The following CNTD1 variants were observed in gnomAD, a reference collection of about 807,000 sequenced individuals.
CNTD1 encodes the protein cyclin N-terminal domain containing 1, also known as cyclin N-terminal domain-containing protein 1.
In CNTD1, 17 loss-of-function variants were observed where a neutral mutation model predicts 36.3. The observed-to-expected ratio is 0.47, with a 90% confidence interval of 0.32 to 0.70. The LOEUF (loss-of-function observed/expected upper bound fraction) is 0.70, where lower values mean the gene tolerates loss of function less well. Among genes scored for constraint, CNTD1 ranks in the 30% least tolerant of loss-of-function variants. CNTD1 has a pLI of 0.03. For missense variants in CNTD1, 338 were observed against 386.1 expected (o/e 0.88, Z 1.04); for synonymous variants, 128 against 153.3 (o/e 0.83, Z 1.22).
Position 42,804,383 on chromosome 17 carries a change from C to A in CNTD1, c.404C>A (p.Ser135Tyr). The change falls in exon 3 of 7, where the codon TCC becomes TAC. Residue 135 changes from serine to tyrosine, a missense_variant. Ser to Tyr is a moderately radical substitution (Grantham distance 144, BLOSUM62 -2). Transcript: ENST00000588408. ...VSCVQLASKL[S>Y]FRNKIISNIT... ...TGTGTTCAGCTGGCCAGCAAACTTT[C>A]CTTCCGAAACAAAGTAAGGAGCTGG... is the stretch of plus-strand genomic sequence containing the variant. The A allele has an allele frequency of 6.2e-7, 1 of 1,613,930 alleles. No homozygotes were observed. The highest frequency in any genetic ancestry group is 8.5e-7 in the Non-Finnish European group (1 of 1,179,884).
At chr17:42,806,840 AG>A in intron 5 of CNTD1, 22 bp downstream of exon 5, 1 of 1,612,724 alleles carries the variant, frequency 6.2e-7, no homozygotes, top group Non-Finnish European at 8.5e-7. Context: ...CCTATAGGGT[AG>A]GCTCCTTCCA....
chr17:42,809,122 A>G (rs1231759016), intron 6 of CNTD1, among the ~76,000 whole-genome samples: 1 of 152,218 alleles, frequency 6.6e-6, no homozygotes, highest in Non-Finnish European at 1.5e-5. Context: ...CCCAAATATC[A>G]TTCTTATATT....
At chr17:42,804,186 G>A (rs758144818) in intron 2 of CNTD1, 39 bp from the exon 3 acceptor site, 72 of 1,571,704 alleles carry the variant, frequency 4.6e-5, no homozygotes, top group Non-Finnish European at 6.1e-5. Context: ...TTTAGTTTGT[G>A]TGAGTGAGGA....
Position 42,809,417 on chromosome 17 carries a change from A to G in CNTD1, c.875A>G (p.Glu292Gly). Residue 292 changes from glutamate to glycine, a missense_variant, in exon 7 of 7, where the codon GAG becomes GGG. Transcript: ENST00000588408. ...ITGIALASIA[E>G]FSYAILTHGV... ...GGTATTGCCTTGGCAAGCATTGCTG[A>G]GTTCTCTTATGCAATCCTGACTCAC... 1 of 1,614,178 alleles carries G rather than the reference A, an allele frequency of 6.2e-7. No individual in the cohort carries two copies. Among genetic ancestry groups the G allele is most frequent in the Non-Finnish European group, 8.5e-7 (1 of 1,180,016 alleles).
At chr17:42,802,417 G>A (rs915391673) in intron 1 of CNTD1, among the ~76,000 whole-genome samples, 4 of 152,078 alleles carry the variant, frequency 2.6e-5, no homozygotes, top group African/African-American at 9.7e-5. Flanking sequence ...AGAAACAAAT[G>A]CTCAGATAAT....
Position 42,809,717 on chromosome 17 carries a change from G to A in CNTD1, c.*182G>A. ...TAAGGTGGACGAGCATGCCCTTTTT[G>A]TCATATCAGCCTGAAAATGTTAAAA... On this transcript the variant is annotated 3_prime_UTR_variant, in exon 7 of 7. Coordinates refer to ENST00000588408, the MANE Select transcript of CNTD1 (RefSeq NM_173478.3). 1 of 555,828 alleles carries A rather than the reference G, an allele frequency of 1.8e-6. No homozygotes were observed. Among genetic ancestry groups the A allele is most frequent in the Non-Finnish European group, 3.1e-6 (1 of 322,108 alleles). The allele number at this position is 555,828 out of a possible 1,614,324, so 34.4% of individuals were successfully genotyped here.
chr17:42,805,493 G>A (rs921196755), intron 3 of CNTD1: 2 of 342,438 alleles, frequency 5.8e-6, no homozygotes, highest in African/African-American at 4.3e-5. Flanking sequence ...GGAAAGGAAG[G>A]GAGATCCAGG....
intron 1 of CNTD1, among the ~76,000 whole-genome samples, chr17:42,801,547 A>ATATAT (rs1397593024): frequency 1.8e-5 from 1 of 55,898 alleles, no homozygotes; most frequent in Non-Finnish European, 3.1e-5. Flanking sequence ...ATATATATAT[A>ATATAT]ATATATGTGT....
Position 42,810,927 on chromosome 17 carries a change from T to A in CNTD1, c.*1392T>A. ...TCAATCTTGCCTTTCTCCACATCCA[T>A]CCTGCAGATGGACAGAGCAAAACTC... On this transcript the variant is annotated 3_prime_UTR_variant, in exon 7 of 7. Transcript: ENST00000588408. The A allele has an allele frequency of 6.2e-7, 1 of 1,606,340 alleles. No individual in the cohort carries two copies. Among genetic ancestry groups the A allele is most frequent in the African/African-American group, 1.3e-5 (1 of 74,744 alleles).
chr17:42,803,534 A>G, intron 1 of CNTD1, 86 bp from the exon 2 acceptor site: 1 of 999,188 alleles, frequency 1.0e-6, no homozygotes. Context: ...CCTTGGCCCC[A>G]TCACGGCTTT....
Position 42,804,340 on chromosome 17 carries a change from A to C in CNTD1, c.361A>C (p.Thr121Pro). 6.2e-7 allele frequency: 1 copy of C among 1,613,726 alleles called. No individual in the cohort carries two copies. Among genetic ancestry groups the C allele is most frequent in the Non-Finnish European group, 8.5e-7 (1 of 1,179,942 alleles). The change falls in exon 3 of 7, where the codon ACT (threonine) becomes CCT (proline). Residue 121 changes from threonine (T) to proline (P), a missense_variant. By Grantham distance (38) the Thr-to-Pro change is conservative. Coordinates refer to ENST00000588408, the MANE Select transcript of CNTD1 (RefSeq NM_173478.3). Reference sequence around the variant, plus strand: ...GAAACAGCAGCTTGTCAACAAGTTTACTCTCCGTCTTGTGTCATGTGTTCA... The same window carrying C: ...GAAACAGCAGCTTGTCAACAAGTTTCCTCTCCGTCTTGTGTCATGTGTTCA... ...ALKQQLVNKF[T>P]LRLVSCVQLA...
rs896851686 is a variant in CNTD1 at position 42,798,862 on chromosome 17, A to G, written c.-206A>G. Reference sequence around the variant, plus strand: ...AGCGGACGTGCTTTCTGATTGGCTGAGGAGTCCGTGGCCGTTGGGGCGGGA... The same window carrying G: ...AGCGGACGTGCTTTCTGATTGGCTGGGGAGTCCGTGGCCGTTGGGGCGGGA... On this transcript the variant is annotated 5_prime_UTR_variant, in exon 1 of 7. Transcript: ENST00000588408. The G allele has an allele frequency of 3.5e-6, 5 of 1,441,240 alleles. No homozygotes were observed. The allele number at this position is 1,441,240 out of a possible 1,614,324, so 89.3% of individuals were successfully genotyped here.
chr17:42,804,245 A>G lies in CNTD1; in HGVS notation c.266A>G (p.Glu89Gly), dbSNP rs767776718. 6 of 1,613,966 alleles carry G rather than the reference A, an allele frequency of 3.7e-6. No individual in the cohort carries two copies. Among genetic ancestry groups the G allele is most frequent in the Non-Finnish European group, 4.2e-6 (5 of 1,179,972 alleles). Reference sequence around the variant, plus strand: ...TACAGGTTTATGGTAAAACAGGCAGAGAACATCTGCAGGCAAGCCACAATC... The same window carrying G: ...TACAGGTTTATGGTAAAACAGGCAGGGAACATCTGCAGGCAAGCCACAATC... ...ILERFMVKQAENICRQATIQP... is the reference protein window; with the variant it reads ...ILERFMVKQAGNICRQATIQP... Residue 89 changes from glutamate to glycine, a missense_variant, in exon 3 of 7, where the codon GAG (glutamate) becomes GGG (glycine). Physicochemically the swap from Glu to Gly is moderately conservative, Grantham distance 98. Transcript: ENST00000588408.
At chr17:42,805,127 T>G (rs538820045) in intron 3 of CNTD1, among the ~76,000 whole-genome samples, 1 of 152,168 alleles carries the variant, frequency 6.6e-6, no homozygotes, top group Non-Finnish European at 1.5e-5. Flanking sequence ...AGCAAACTAT[T>G]ACATTTATAA....
chr17:42,800,847 A>T (rs1421786746), intron 1 of CNTD1, among the ~76,000 whole-genome samples: 1 of 152,174 alleles, frequency 6.6e-6, no homozygotes, highest in East Asian at 1.9e-4. Context: ...GACTATGCTA[A>T]ACGGTTGAGC....
chr17:42,807,332 G>A (rs1452461499), intron 5 of CNTD1, among the ~76,000 whole-genome samples: 3 of 151,994 alleles, frequency 2.0e-5, no homozygotes, highest in Non-Finnish European at 4.4e-5. Flanking sequence ...GGAGAATGGC[G>A]TGAACCCAGG....
intron 1 of CNTD1, among the ~76,000 whole-genome samples, chr17:42,803,292 G>T (rs2144119002): frequency 6.6e-6 from 1 of 152,340 alleles, no homozygotes; most frequent in African/African-American, 2.4e-5. Flanking sequence ...TTCCCAGCAT[G>T]GTGTAGAGGT....
At position 42,807,841 on chromosome 17, in the gene CNTD1, C is replaced by G; in HGVS notation, c.799C>G (p.Gln267Glu). Residue 267 changes from glutamine (Q) to glutamate (E), a missense_variant, in exon 6 of 7, where the codon CAA becomes GAA. Coordinates refer to ENST00000588408, the MANE Select transcript of CNTD1 (RefSeq NM_173478.3). ...VGIIAASAFI[Q>E]NHECWSQVVG... ...AATCATTGCAGCAAGTGCTTTCATC[C>G]AAAACCATGAGTGTTGGAGCCAGGT... 1.2e-6 allele frequency: 2 copies of G among 1,613,782 alleles called. No homozygotes were observed. The highest frequency in any genetic ancestry group is 1.7e-6 in the Non-Finnish European group (2 of 1,179,678).
chr17:42,806,550 C>A (rs1315224835), intron 4 of CNTD1, 124 bp from the exon 5 acceptor site: 2 of 952,348 alleles, frequency 2.1e-6, no homozygotes, highest in Non-Finnish European at 3.2e-6. Context: ...AAACAGGTTT[C>A]TTGTAGTAGA....
Sources: allele counts gnomAD v4.1 joint callset (sites outside exome capture counted in the v4.1 genomes callset), GRCh38; gene constraint gnomAD v4.1.1; transcripts MANE v1.5; gene names NCBI Gene and HGNC (gene_info 2026-07-23, HGNC 2026-07-21).